Variants in FBXL17 observed in about 807,000 individuals in gnomAD.
FBXL17 encodes F-box and leucine rich repeat protein 17.
In FBXL17, 22 loss-of-function variants were observed where a neutral mutation model predicts 66.2. That is an observed-to-expected ratio of 0.33 (90% CI 0.24 to 0.47). The LOEUF (loss-of-function observed/expected upper bound fraction) is 0.47, where lower values mean the gene tolerates loss of function less well. Among genes scored for constraint, FBXL17 ranks in the 20% least tolerant of loss-of-function variants. The pLI is 1.00. For synonymous variants in FBXL17, 474 were observed against 400.5 expected (o/e 1.18, Z -2.19); for missense variants, 878 against 948.2 (o/e 0.93, Z 0.97).
intron 5 of FBXL17, among the ~76,000 whole-genome samples, chr5:108,207,191 C>G (rs1746111265): frequency 6.6e-6 from 1 of 152,102 alleles, no homozygotes; most frequent in South Asian, 2.1e-4. Context: ...GTAACTGATA[C>G]CACCCATGGA....
At chr5:108,185,654 T>C (rs1275878695) in intron 6 of FBXL17, among the ~76,000 whole-genome samples, 1 of 152,018 alleles carries the variant, frequency 6.6e-6, no homozygotes, top group Non-Finnish European at 1.5e-5. Context: ...AGCCCAGGAA[T>C]TGTACCTAGG....
chr5:108,008,575 C>T (rs1054575361), intron 7 of FBXL17, among the ~76,000 whole-genome samples: 6 of 152,080 alleles, frequency 3.9e-5, no homozygotes, highest in South Asian at 2.1e-4. Flanking sequence ...AGGTATGCTA[C>T]TATAATATAA....
intron 5 of FBXL17, among the ~76,000 whole-genome samples, chr5:108,208,039 G>C (rs769559538): frequency 6.6e-6 from 1 of 152,104 alleles, no homozygotes; most frequent in African/African-American, 2.4e-5. Context: ...TCTCATTGTG[G>C]TTTTGATTTA....
At chr5:108,159,153 G>C (rs1394813458) in intron 6 of FBXL17, among the ~76,000 whole-genome samples, 1 of 152,080 alleles carries the variant, frequency 6.6e-6, no homozygotes, top group Non-Finnish European at 1.5e-5. Flanking sequence ...ACTCTAAACA[G>C]AGAAATCTAC....
At chr5:107,993,660 T>C (rs1414067728) in intron 7 of FBXL17, among the ~76,000 whole-genome samples, 1 of 152,220 alleles carries the variant, frequency 6.6e-6, no homozygotes, top group Non-Finnish European at 1.5e-5. Context: ...ATTTTCCTAC[T>C]GTTTTCCATT....
At chr5:108,217,671 G>A (rs1032464275) in intron 5 of FBXL17, among the ~76,000 whole-genome samples, 3 of 150,368 alleles carry the variant, frequency 2.0e-5, no homozygotes, top group African/African-American at 4.8e-5. Flanking sequence ...TGTACTATAT[G>A]TACTACAGTC....
chr5:108,032,308 A>G (rs1746672292), intron 6 of FBXL17, among the ~76,000 whole-genome samples: 1 of 152,090 alleles, frequency 6.6e-6, no homozygotes, highest in South Asian at 2.1e-4. Flanking sequence ...TAAGCAATTA[A>G]ATGTTATTTA....
intron 6 of FBXL17, among the ~76,000 whole-genome samples, chr5:108,112,600 C>G (rs1005364643): frequency 6.6e-6 from 1 of 151,920 alleles, no homozygotes; most frequent in Admixed American, 6.6e-5. Context: ...AAAACATATC[C>G]CATGAGGAGA....
chr5:108,276,220 A>G (rs767651474), intron 4 of FBXL17, among the ~76,000 whole-genome samples: 3 of 152,176 alleles, frequency 2.0e-5, no homozygotes, highest in Non-Finnish European at 4.4e-5. Flanking sequence ...AAATTGACAT[A>G]GCAGTTTATT....
intron 6 of FBXL17, among the ~76,000 whole-genome samples, 177 bp from the exon 7 acceptor site, chr5:108,021,178 T>C (rs1754586014): frequency 6.6e-6 from 1 of 151,720 alleles, no homozygotes. Flanking sequence ...AATGACTTTA[T>C]TTAAATACAT....
At chr5:108,032,103 C>A (rs979669878) in intron 6 of FBXL17, among the ~76,000 whole-genome samples, 5 of 152,120 alleles carry the variant, frequency 3.3e-5, no homozygotes, top group African/African-American at 1.2e-4. Flanking sequence ...CTTTAAATAT[C>A]CTCCACATAA....
intron 7 of FBXL17, among the ~76,000 whole-genome samples, chr5:107,984,725 A>G (rs1752954744): frequency 6.6e-6 from 1 of 152,232 alleles, no homozygotes; most frequent in African/African-American, 2.4e-5. Flanking sequence ...AGAGGAAAAA[A>G]TAATTTGTTA....
chr5:108,048,474 G>A (rs1747344033), intron 6 of FBXL17, among the ~76,000 whole-genome samples: 1 of 152,168 alleles, frequency 6.6e-6, no homozygotes. Context: ...ACTGACAAAA[G>A]TAGGCTTCAG....
At chr5:108,232,048 G>A (rs1374560730) in intron 4 of FBXL17, among the ~76,000 whole-genome samples, 1 of 152,200 alleles carries the variant, frequency 6.6e-6, no homozygotes, top group Non-Finnish European at 1.5e-5. Context: ...GTAGTCATCA[G>A]TACCAGCTGT....
intron 6 of FBXL17, among the ~76,000 whole-genome samples, chr5:108,183,874 C>G (rs1368052131): frequency 2.0e-5 from 3 of 152,030 alleles, no homozygotes; most frequent in Non-Finnish European, 4.4e-5. Context: ...GTTCCATTTT[C>G]TTTAGATATT....
At chr5:108,012,666 A>G (rs1393185595) in intron 7 of FBXL17, among the ~76,000 whole-genome samples, 1 of 152,214 alleles carries the variant, frequency 6.6e-6, no homozygotes, top group African/African-American at 2.4e-5. Context: ...CGCACAAATT[A>G]TGTAAACCTG....
intron 6 of FBXL17, among the ~76,000 whole-genome samples, chr5:108,088,497 C>A (rs780675142): frequency 6.6e-6 from 1 of 151,788 alleles, no homozygotes; most frequent in Non-Finnish European, 1.5e-5. Flanking sequence ...GTCAGGAGAT[C>A]GAGACCATCC....
intron 6 of FBXL17, among the ~76,000 whole-genome samples, chr5:108,093,333 C>T (rs1019586798): frequency 6.6e-6 from 1 of 151,472 alleles, no homozygotes; most frequent in Non-Finnish European, 1.5e-5. Context: ...CCTGGAACTA[C>T]TGCCCCCTTG....
Position 108,267,651 on chromosome 5 carries a change from T to C in FBXL17, c.1507-43423A>G, listed in dbSNP as rs550504128. Among the ~76,000 whole-genome samples, 7 of 152,114 alleles carry C rather than the reference T, an allele frequency of 4.6e-5. No homozygotes were observed. The South Asian group carries it at 1.5e-3, about 32-fold the overall frequency. ...GCAGGCACTATGCTGAAGTAAAGAA[T>C]ACCAAAGTACTCACCACAGCACTTA... On this transcript the variant is annotated intron_variant, in intron 4 of 8. Coordinates refer to ENST00000542267, the MANE Select transcript of FBXL17 (RefSeq NM_001163315.3).
Sources: allele counts gnomAD v4.1 joint callset (sites outside exome capture counted in the v4.1 genomes callset), GRCh38; gene constraint gnomAD v4.1.1; transcripts MANE v1.5; gene names NCBI Gene and HGNC (gene_info 2026-07-23, HGNC 2026-07-21).